The following PDE8B variants were observed in gnomAD, a reference collection of about 807,000 sequenced individuals.
The protein encoded by PDE8B is phosphodiesterase 8B, also known as high affinity cAMP-specific and IBMX-insensitive 3',5'-cyclic phosphodiesterase 8B.
A neutral mutation model predicts 101.3 loss-of-function variants in PDE8B; 26 were observed. The ratio of observed to expected loss-of-function variants is 0.26; its 90% confidence interval spans 0.19 to 0.36. The LOEUF is 0.36. PDE8B is among the 10% of genes least tolerant of loss of function. PDE8B has a pLI of 1.00. For missense variants in PDE8B, 810 were observed against 1,163.1 expected (o/e 0.70, Z 4.42); for synonymous variants, 424 against 429.3 (o/e 0.99, Z 0.15).
rs1177624381 is a variant in PDE8B, at chr5:77,351,139, G to T, written c.1092G>T (p.Val364=). 6.2e-7 allele frequency: 1 copy of T among 1,613,544 alleles called. No homozygotes were observed. The highest frequency in any genetic ancestry group is 8.5e-7 in the Non-Finnish European group (1 of 1,179,440). ...AACAGCACGTGAAGATCACCCCAGT[G>T]ATTGGCCAAGGAGGGTGAGAGCAAA... The part of the protein sequence containing the change: ...SIQQHVKITP[V]IGQGGKIRHF... Residue 364 remains valine (V), a synonymous_variant, in exon 9 of 22, where the codon GTG becomes GTT. Coordinates refer to ENST00000264917, the MANE Select transcript of PDE8B (RefSeq NM_003719.5).
chr5:77,238,247 A>C (rs1020425202), intron 1 of PDE8B, among the ~76,000 whole-genome samples: 2 of 151,612 alleles, frequency 1.3e-5, no homozygotes, highest in Non-Finnish European at 2.9e-5. Flanking sequence ...GGTTCCTAAG[A>C]CTCTGTTTTT....
chr5:77,189,291 A>C, the PDE8B span, among the ~76,000 whole-genome samples: 1 of 152,212 alleles, frequency 6.6e-6, no homozygotes, highest in Non-Finnish European at 1.5e-5. Flanking sequence ...TCTTCTCTTG[A>C]GGCTTACCTT....
At chr5:77,259,081 C>G (rs367990441) in intron 1 of PDE8B, among the ~76,000 whole-genome samples, 2,682 of 89,782 alleles carry the variant, frequency 0.03, 332 homozygotes, top group African/African-American at 0.036. Context: ...CCCGCCCCCC[C>G]CCCACACACA....
At chr5:77,182,260 G>A in the PDE8B span, among the ~76,000 whole-genome samples, 3 of 151,684 alleles carry the variant, frequency 2.0e-5, no homozygotes, top group African/African-American at 7.3e-5. Context: ...GTTCCAAAGA[G>A]CGTTTATGGA....
At chr5:77,116,958 C>T in the PDE8B span, among the ~76,000 whole-genome samples, 1 of 152,208 alleles carries the variant, frequency 6.6e-6, no homozygotes, top group Non-Finnish European at 1.5e-5. Flanking sequence ...CCCTTTCCCC[C>T]CAGGCTCTCA....
the PDE8B span, among the ~76,000 whole-genome samples, chr5:77,148,742 A>G: frequency 5.3e-5 from 8 of 152,274 alleles, no homozygotes; most frequent in African/African-American, 1.9e-4. Flanking sequence ...CTTATTATTC[A>G]GTTGTAAGAG....
At chr5:77,301,428 C>G (rs539289925) in intron 1 of PDE8B, among the ~76,000 whole-genome samples, 2 of 152,344 alleles carry the variant, frequency 1.3e-5, no homozygotes, top group South Asian at 4.1e-4. Context: ...TCCCCACTTT[C>G]TCCCAACTTC....
At chr5:77,374,396 A>G (rs997360963) in intron 10 of PDE8B, among the ~76,000 whole-genome samples, 1 of 152,040 alleles carries the variant, frequency 6.6e-6, no homozygotes, top group Non-Finnish European at 1.5e-5. Context: ...ATTCAGGTCT[A>G]CCATTTTAAC....
At chr5:77,252,232 G>A (rs1758210353) in intron 1 of PDE8B, among the ~76,000 whole-genome samples, 1 of 152,228 alleles carries the variant, frequency 6.6e-6, no homozygotes, top group African/African-American at 2.4e-5. Flanking sequence ...AGCCTTTGGG[G>A]CACAGATGAA....
At chr5:77,260,157 C>CAAAAAAAAA (rs66923234) in intron 1 of PDE8B, among the ~76,000 whole-genome samples, 75 of 100,396 alleles carry the variant, frequency 7.5e-4, no homozygotes, top group Non-Finnish European at 9.2e-4. Context: ...AACTCCATCA[C>CAAAAAAAAA]AAAAAAAAAA....
At chr5:77,109,703 C>A in the PDE8B span, among the ~76,000 whole-genome samples, 1 of 152,172 alleles carries the variant, frequency 6.6e-6, no homozygotes, top group African/African-American at 2.4e-5. Flanking sequence ...GTTCATGGAT[C>A]AACTGCATTA....
intron 1 of PDE8B, among the ~76,000 whole-genome samples, chr5:77,246,283 G>T (rs1302243017): frequency 6.6e-6 from 1 of 152,144 alleles, no homozygotes; most frequent in Non-Finnish European, 1.5e-5. Flanking sequence ...GTGCCATTCT[G>T]GCTTGTGGGC....
chr5:77,164,392 T>G, the PDE8B span, among the ~76,000 whole-genome samples: 1 of 152,224 alleles, frequency 6.6e-6, no homozygotes, highest in South Asian at 2.1e-4. Context: ...TATAAAACAC[T>G]AAGAATTCTT....
intron 10 of PDE8B, among the ~76,000 whole-genome samples, chr5:77,377,136 G>A (rs535300995): frequency 2.0e-5 from 3 of 152,292 alleles, no homozygotes; most frequent in African/African-American, 7.2e-5. Flanking sequence ...TGTGTTAGCC[G>A]CTCAGCAGAG....
chr5:77,187,143 A>G, the PDE8B span, among the ~76,000 whole-genome samples: 1 of 152,196 alleles, frequency 6.6e-6, no homozygotes, highest in Non-Finnish European at 1.5e-5. Flanking sequence ...TGTTTAGTTT[A>G]CTTGCTGGCT....
intron 1 of PDE8B, among the ~76,000 whole-genome samples, chr5:77,302,899 TTGAG>T (rs1770299655): frequency 2.0e-5 from 3 of 152,178 alleles, no homozygotes; most frequent in Admixed American, 2.0e-4. Flanking sequence ...TTTTGTCTTA[TTGAG>T]GCACAGTGCA....
At chr5:77,171,583 A>G in the PDE8B span, among the ~76,000 whole-genome samples, 1 of 152,168 alleles carries the variant, frequency 6.6e-6, no homozygotes, top group Non-Finnish European at 1.5e-5. Context: ...TCGGGAATTT[A>G]TGATTCCACA....
chr5:77,185,738 C>T, the PDE8B span, among the ~76,000 whole-genome samples: 6 of 152,166 alleles, frequency 3.9e-5, no homozygotes, highest in Non-Finnish European at 7.3e-5. Flanking sequence ...CACCCCCTGC[C>T]ATTTCCTAAC....
chr5:77,272,707 C>A (rs1033379683), intron 1 of PDE8B, among the ~76,000 whole-genome samples: 13 of 152,010 alleles, frequency 8.6e-5, no homozygotes, highest in Non-Finnish European at 1.8e-4. Flanking sequence ...ATTATTAGCC[C>A]AGAAGTAGGA....
Sources: gnomAD v4.1 joint callset for allele counts (sites outside exome capture counted in the v4.1 genomes callset) on GRCh38, gnomAD v4.1.1 for gene constraint, MANE v1.5 for transcripts, NCBI Gene and HGNC (gene_info 2026-07-23, HGNC 2026-07-21) for gene names.